The following ITGB3 variants were observed in gnomAD, a reference collection of about 807,000 sequenced individuals.
ITGB3 encodes integrin beta-3.
Under a neutral mutation model 85.8 loss-of-function variants are expected in ITGB3, and 48 were observed. That is an observed-to-expected ratio of 0.56 (90% confidence interval 0.44 to 0.71). The LOEUF (loss-of-function observed/expected upper bound fraction) is 0.71. ITGB3 is among the 30% of genes least tolerant of loss of function. The pLI is 0.00. For synonymous variants in ITGB3, 363 were observed against 395.6 expected, an observed-to-expected ratio of 0.92 and a Z score of 0.98; for missense variants, 861 against 1,019.1, an observed-to-expected ratio of 0.84 and a Z score of 2.11.
chr17:47,269,524 C>A (rs951701505), intron 1 of ITGB3, among the ~76,000 whole-genome samples: 4 of 152,228 alleles, frequency 2.6e-5, no homozygotes, highest in Non-Finnish European at 5.9e-5. Flanking sequence ...GAAGCATGAC[C>A]TTTACTCCAG....
chr17:47,300,371 T>A, intron 11 of ITGB3, 107 bp from the exon 12 acceptor site: 1 of 743,902 alleles, frequency 1.3e-6, no homozygotes, highest in South Asian at 1.4e-5. Context: ...GTGTGTGTTT[T>A]AATGGAGGTG....
At chr17:47,294,319 G>C (rs2065137945) in intron 10 of ITGB3, among the ~76,000 whole-genome samples, 1 of 152,246 alleles carries the variant, frequency 6.6e-6, no homozygotes, top group African/African-American at 2.4e-5. Flanking sequence ...GAGGGAGAGA[G>C]GGTGGTCCCA....
chr17:47,288,206 AAGAGAGAGAGAGAGAG>A (rs200536313), intron 6 of ITGB3, among the ~76,000 whole-genome samples: 2 of 134,828 alleles, frequency 1.5e-5, no homozygotes, highest in Non-Finnish European at 3.2e-5. Context: ...TTCTCTTAGA[AAGAGAGAGAGAGAGAG>A]AGAGAGAGAG....
In ITGB3 at chr17:47,289,693, T is replaced by G; in HGVS notation, c.952T>G (p.Leu318Val). 2 of 1,612,578 alleles carry G rather than the reference T, an allele frequency of 1.2e-6. No homozygotes were observed. Among genetic ancestry groups the G allele is most frequent in the Non-Finnish European group, 1.7e-6 (2 of 1,178,604 alleles). ...SASTTMDYPS[L>V]GLMTEKLSQK... ...TTCATTTTCCTAGGATTATCCCTCTTTGGGGCTGATGACTGAGAAGCTATC... is the reference window on the plus strand; with the variant it reads ...TTCATTTTCCTAGGATTATCCCTCTGTGGGGCTGATGACTGAGAAGCTATC... The change falls in exon 7 of 15, where the codon TTG (leucine) becomes GTG (valine). Residue 318 changes from leucine to valine, a missense_variant. Coordinates refer to ENST00000559488, the MANE Select transcript of ITGB3 (RefSeq NM_000212.3).
At chr17:47,273,365 G>C (rs2065052079) in intron 1 of ITGB3, among the ~76,000 whole-genome samples, 1 of 152,162 alleles carries the variant, frequency 6.6e-6, no homozygotes, top group Non-Finnish European at 1.5e-5. Flanking sequence ...CTCACATTCT[G>C]CTCCTTATAT....
chr17:47,259,584 A>T (rs926573200), intron 1 of ITGB3, among the ~76,000 whole-genome samples: 20 of 152,316 alleles, frequency 1.3e-4, no homozygotes, highest in South Asian at 4.1e-4. Flanking sequence ...TACACATTTT[A>T]AAAAAGTCAA....
chr17:47,295,003 T>C (rs1207379114), intron 10 of ITGB3, among the ~76,000 whole-genome samples: 1 of 152,178 alleles, frequency 6.6e-6, no homozygotes, highest in Non-Finnish European at 1.5e-5. Context: ...CATCAAGAAG[T>C]GCATCATCCT....
chr17:47,274,366 A>G, intron 1 of ITGB3, 53 bp from the exon 2 acceptor site: 3 of 1,521,404 alleles, frequency 2.0e-6, no homozygotes, highest in Admixed American at 3.3e-5. Context: ...GAGGCAGGCA[A>G]GTACCTTCAC....
At chr17:47,300,368 TTTTAATGGAG>T in intron 11 of ITGB3, 100 bp from the exon 12 acceptor site, 4 of 778,054 alleles carry the variant, frequency 5.1e-6, no homozygotes, top group Non-Finnish European at 9.0e-6. Flanking sequence ...TGTGTGTGTG[TTTTAATGGAG>T]GTGGAGCAGC....
At chr17:47,293,987 TAGAA>T (rs1274602904) in intron 10 of ITGB3, among the ~76,000 whole-genome samples, 1 of 152,238 alleles carries the variant, frequency 6.6e-6, no homozygotes, top group Admixed American at 6.5e-5. Flanking sequence ...AAAGCTCACT[TAGAA>T]AGGTCGATCT....
chr17:47,277,860 C>T (rs1474974486), intron 2 of ITGB3, among the ~76,000 whole-genome samples: 2 of 152,192 alleles, frequency 1.3e-5, no homozygotes, highest in East Asian at 1.9e-4. Flanking sequence ...TTCTCTGCAA[C>T]TGCAGGAGCA....
At chr17:47,260,316 T>C (rs1033950634) in intron 1 of ITGB3, among the ~76,000 whole-genome samples, 3 of 105,598 alleles carry the variant, frequency 2.8e-5, no homozygotes, top group African/African-American at 1.1e-4. Context: ...TGAAGGGAAA[T>C]ACTTCAATTT....
chr17:47,270,693 G>A (rs528426037), intron 1 of ITGB3, among the ~76,000 whole-genome samples: 5 of 152,294 alleles, frequency 3.3e-5, no homozygotes, highest in South Asian at 4.1e-4. Context: ...TAGTCAAGTC[G>A]GAGAGTGGAG....
At chr17:47,295,447 T>C (rs141269683) in intron 10 of ITGB3, among the ~76,000 whole-genome samples, 2 of 152,266 alleles carry the variant, frequency 1.3e-5, no homozygotes, top group Admixed American at 6.5e-5. Flanking sequence ...CTCCTCTGAC[T>C]TTCCGATGAA....
In ITGB3 at chr17:47,290,194, G is replaced by A; in HGVS notation, c.1045G>A (p.Glu349Lys). Reference protein sequence around the residue: ...NVVNLYQNYSELIPGTTVGVL... With the variant: ...NVVNLYQNYSKLIPGTTVGVL... ...TTGTTTTCCTTTCTAGAACTATAGT[G>A]AGCTCATCCCAGGGACCACAGTTGG... The change falls in exon 8 of 15, where the codon GAG (glutamate) becomes AAG (lysine). Residue 349 changes from glutamate to lysine, a missense_variant. Glu to Lys is a moderately conservative substitution (Grantham distance 56). Transcript: ENST00000559488. The A allele has an allele frequency of 6.2e-7, 1 of 1,613,702 alleles. No homozygotes were observed. Among genetic ancestry groups the A allele is most frequent in the Non-Finnish European group, 8.5e-7 (1 of 1,179,644 alleles).
chr17:47,310,194 G>A lies in ITGB3; in HGVS notation c.2357G>A (p.Arg786Gln), dbSNP rs747200949. 1.4e-5 allele frequency: 22 copies of A among 1,613,668 alleles called. No homozygotes were observed. Among genetic ancestry groups the A allele is most frequent in the African/African-American group, 9.4e-5 (7 of 74,862 alleles). Reference protein sequence around the residue: ...ATSTFTNITYRGT With the variant: ...ATSTFTNITYQGT ...TCTACCTTCACCAATATCACGTACC[G>A]GGGCACTTAATGATAAGCAGTCATC... The change falls in exon 15 of 15, where the codon CGG (arginine) becomes CAG (glutamine). Residue 786 changes from arginine to glutamine, a missense_variant. Arg to Gln is a conservative substitution (Grantham distance 43, BLOSUM62 1). Transcript: ENST00000559488.
intron 13 of ITGB3, among the ~76,000 whole-genome samples, chr17:47,307,131 C>T (rs1188425603): frequency 1.3e-5 from 2 of 152,052 alleles, no homozygotes; most frequent in Non-Finnish European, 1.5e-5. Context: ...GGTAGTTTTT[C>T]GATCCCCACC....
chr17:47,261,781 A>G (rs1206941557), intron 1 of ITGB3, among the ~76,000 whole-genome samples: 2 of 152,202 alleles, frequency 1.3e-5, no homozygotes, highest in East Asian at 3.8e-4. Flanking sequence ...CGGCCTCCCA[A>G]AGTGCTGGGA....
At chr17:47,266,112 C>G (rs1438287560) in intron 1 of ITGB3, among the ~76,000 whole-genome samples, 1 of 152,094 alleles carries the variant, frequency 6.6e-6, no homozygotes, top group Non-Finnish European at 1.5e-5. Context: ...GTCACATGGC[C>G]AGGTGACTAC....
Sources: allele counts gnomAD v4.1 joint callset (sites outside exome capture counted in the v4.1 genomes callset), GRCh38; gene constraint gnomAD v4.1.1; transcripts MANE v1.5; gene names NCBI Gene and HGNC (gene_info 2026-07-23, HGNC 2026-07-21).